The following ZNF292 variants were observed in gnomAD, a reference collection of about 807,000 sequenced individuals.
ZNF292 encodes 16 zinc-finger domain protein.
A neutral mutation model predicts 217.9 loss-of-function variants in ZNF292; 26 were observed. The ratio of observed to expected loss-of-function variants is 0.12; its 90% CI spans 0.09 to 0.17. ZNF292 has a LOEUF of 0.17. ZNF292 is among the 10% of genes least tolerant of loss of function. The pLI is 1.00. For missense variants in ZNF292, 2,904 were observed against 3,175.2 expected, an observed-to-expected ratio of 0.91 and a Z score of 2.05; for synonymous variants, 1,257 against 1,124.1, an observed-to-expected ratio of 1.12 and a Z score of -2.37.
chr6:87,255,323 A>G lies in ZNF292; in HGVS notation c.1694A>G (p.Lys565Arg), dbSNP rs1277211789. 2 of 1,613,748 alleles carry G rather than the reference A, an allele frequency of 1.2e-6. No individual in the cohort carries two copies. Among genetic ancestry groups the G allele is most frequent in the Non-Finnish European group, 8.5e-7 (1 of 1,179,836 alleles). Residue 565 changes from lysine (K) to arginine (R), a missense_variant, in exon 8 of 8, where the codon AAA becomes AGA. Physicochemically the swap from Lys to Arg is conservative, Grantham distance 26. Coordinates refer to ENST00000369577, the MANE Select transcript of ZNF292 (RefSeq NM_015021.3). ...GTACGACATGCTCAGAAACATTACA[A>G]AGATGGAATTTATAGTTGCCCCATA... The part of the protein sequence containing the change: ...RIVRHAQKHY[K>R]DGIYSCPICA...
intron 1 of ZNF292, among the ~76,000 whole-genome samples, chr6:87,166,536 T>C (rs1770922032): frequency 6.6e-6 from 1 of 152,204 alleles, no homozygotes. Context: ...AGTTTTTGAA[T>C]CATTCTCAAC....
At chr6:87,239,927 G>C (rs1354037276) in intron 5 of ZNF292, among the ~76,000 whole-genome samples, 1 of 151,522 alleles carries the variant, frequency 6.6e-6, no homozygotes, top group Non-Finnish European at 1.5e-5. Flanking sequence ...AGGCAGAGAC[G>C]CTCCTCACTT....
At chr6:87,191,572 A>G (rs1771823614) in intron 1 of ZNF292, among the ~76,000 whole-genome samples, 2 of 152,172 alleles carry the variant, frequency 1.3e-5, no homozygotes, top group Admixed American at 6.5e-5. Flanking sequence ...TGCATTCCCA[A>G]ATTGACCTCC....
intron 7 of ZNF292, among the ~76,000 whole-genome samples, chr6:87,252,652 G>A (rs537395779): frequency 3.9e-5 from 6 of 152,156 alleles, no homozygotes; most frequent in African/African-American, 1.4e-4. Flanking sequence ...GTGTCTTTCT[G>A]TGTGTAGTAT....
intron 4 of ZNF292, among the ~76,000 whole-genome samples, chr6:87,229,377 C>T (rs969329460): frequency 1.4e-4 from 22 of 151,968 alleles, no homozygotes; most frequent in Admixed American, 2.0e-4. Flanking sequence ...TACTTCTTTT[C>T]GATCTGTATC....
At chr6:87,171,554 A>G (rs963421879) in intron 1 of ZNF292, among the ~76,000 whole-genome samples, 1 of 152,174 alleles carries the variant, frequency 6.6e-6, no homozygotes, top group Non-Finnish European at 1.5e-5. Context: ...AATACTTTTA[A>G]GAGGAGTAGA....
chr6:87,171,321 C>G (rs1037624728), intron 1 of ZNF292, among the ~76,000 whole-genome samples: 9 of 151,646 alleles, frequency 5.9e-5, no homozygotes, highest in African/African-American at 2.2e-4. Context: ...ACTAAAAGAA[C>G]AGATTTTGAA....
intron 4 of ZNF292, among the ~76,000 whole-genome samples, chr6:87,226,257 T>G (rs981130960): frequency 4.6e-5 from 7 of 152,172 alleles, no homozygotes; most frequent in African/African-American, 1.7e-4. Context: ...TCTAAAGCTT[T>G]AGATTTTCCA....
chr6:87,249,344 C>G (rs1441903041), intron 7 of ZNF292: 1 of 430,216 alleles, frequency 2.3e-6, no homozygotes, highest in Admixed American at 2.5e-5. Context: ...CCAGATTTAT[C>G]TCCAACTCCT....
chr6:87,183,077 T>C (rs1046816032), intron 1 of ZNF292, among the ~76,000 whole-genome samples: 1 of 152,162 alleles, frequency 6.6e-6, no homozygotes, highest in Non-Finnish European at 1.5e-5. Context: ...TATAAATGAC[T>C]GTGTATACAG....
intron 1 of ZNF292, among the ~76,000 whole-genome samples, chr6:87,167,735 T>C (rs769847372): frequency 6.6e-6 from 1 of 152,204 alleles, no homozygotes; most frequent in Non-Finnish European, 1.5e-5. Flanking sequence ...AATTATGAGA[T>C]TGAGGAGAGC....
chr6:87,173,235 T>A lies in ZNF292; in HGVS notation c.168+17476T>A, dbSNP rs535799894. ...AAAAAAAATCCAACTCCTTATCAAGTGTTCCCTGTTTTGTAAACTGCTGAT... is the reference window on the plus strand; with the variant it reads ...AAAAAAAATCCAACTCCTTATCAAGAGTTCCCTGTTTTGTAAACTGCTGAT... On this transcript the variant is annotated intron_variant, in intron 1 of 7. Transcript: ENST00000369577. The A allele has an allele frequency of 5.9e-5, 9 of 152,210 alleles. No individual in the cohort carries two copies. The East Asian group carries it at 1.7e-3, about 29-fold the overall frequency. The allele number at this position is 152,210 out of a possible 1,614,324, so 9.4% of individuals were successfully genotyped here. A position where few individuals can be genotyped will look rare whatever the true frequency, so the allele number is the denominator to read the frequency against.
intron 1 of ZNF292, among the ~76,000 whole-genome samples, chr6:87,207,443 A>T (rs549477954): frequency 2.3e-4 from 35 of 152,260 alleles, no homozygotes; most frequent in Non-Finnish European, 1.2e-4. Context: ...TTAAAATTTC[A>T]AGTTTGTAGT....
At chr6:87,198,904 A>C (rs1354362788) in intron 1 of ZNF292, among the ~76,000 whole-genome samples, 1 of 152,238 alleles carries the variant, frequency 6.6e-6, no homozygotes, top group Non-Finnish European at 1.5e-5. Flanking sequence ...TTGCTTATCC[A>C]TTCAAACCAT....
intron 1 of ZNF292, among the ~76,000 whole-genome samples, chr6:87,205,065 G>GT (rs1562138646): frequency 6.6e-6 from 1 of 151,946 alleles, no homozygotes. Flanking sequence ...GTTTGCTGGG[G>GT]TTTTTTCCCG....
At position 87,232,919 on chromosome 6, in the gene ZNF292, G is replaced by GT. The variant is rs543724365; in HGVS notation, c.539-405dup. On this transcript the variant is annotated intron_variant, in intron 4 of 7. Coordinates refer to ENST00000369577, the MANE Select transcript of ZNF292 (RefSeq NM_015021.3). Reference sequence around the variant, plus strand: ...TTCTGGAATGTCCCAATAGCTTTTTGTGGTTACTCATCGTGGAAGGTTGTA... The same window carrying GT: ...TTCTGGAATGTCCCAATAGCTTTTTGTTGGTTACTCATCGTGGAAGGTTGTA... Among the ~76,000 whole-genome samples, 11 of 152,170 alleles carry GT rather than the reference G, an allele frequency of 7.2e-5. No homozygotes were observed. In the East Asian group the frequency reaches 2.1e-3, roughly 29 times the overall value.
intron 1 of ZNF292, among the ~76,000 whole-genome samples, chr6:87,207,498 C>T (rs921415921): frequency 3.3e-4 from 50 of 151,620 alleles, no homozygotes; most frequent in African/African-American, 1.2e-3. Flanking sequence ...AACTTTATTG[C>T]GTTTTATTCA....
intron 1 of ZNF292, among the ~76,000 whole-genome samples, chr6:87,156,604 G>A (rs1263889589): frequency 6.6e-6 from 1 of 152,206 alleles, no homozygotes; most frequent in African/African-American, 2.4e-5. Context: ...GTTTCTTGGA[G>A]TCCTTCCTAT....
chr6:87,233,112 A>G lies in ZNF292; in HGVS notation c.539-213A>G, dbSNP rs149597900. Among the ~76,000 whole-genome samples the G allele has an allele frequency of 3.6e-3, 553 of 152,276 alleles. 2 individuals are homozygous for G. Among genetic ancestry groups the G allele is most frequent in the African/African-American group, 0.013 (532 of 41,562 alleles). ...CAGCTCATTCTAAATGGTCCCTTAT[A>G]TAAGGGCCAAAAGTACTTAACTTTT... On this transcript the variant is annotated intron_variant, in intron 4 of 7. Transcript: ENST00000369577.
Sources: allele counts gnomAD v4.1 joint callset (sites outside exome capture counted in the v4.1 genomes callset), GRCh38; gene constraint gnomAD v4.1.1; transcripts MANE v1.5; gene names NCBI Gene and HGNC (gene_info 2026-07-23, HGNC 2026-07-21).